Variants in LRP1 observed in about 807,000 individuals in gnomAD.
LRP1 encodes the protein prolow-density lipoprotein receptor-related protein 1.
LRP1 carries 51 observed loss-of-function variants against 541.5 expected under a neutral mutation model. The observed-to-expected ratio is 0.09, with a 90% CI of 0.08 to 0.12. LRP1 has a LOEUF of 0.12. Ranked by LOEUF, LRP1 falls within the 10% of genes least tolerant of loss-of-function variation. The pLI is 1.00. For missense variants in LRP1, 3,878 were observed against 6,376.2 expected (o/e 0.61, Z 13.34); for synonymous variants, 2,219 against 2,470.8 (o/e 0.90, Z 3.02).
intron 1 of LRP1, among the ~76,000 whole-genome samples, chr12:57,134,197 G>C (rs746415407): frequency 6.6e-6 from 1 of 152,182 alleles, no homozygotes; most frequent in South Asian, 2.1e-4. Flanking sequence ...AGGCAAAGCC[G>C]AGAACAGACG....
chr12:57,179,448 C>A lies in LRP1; in HGVS notation c.4858C>A (p.Leu1620Ile), dbSNP rs745453126. The change falls in exon 29 of 89, where the codon CTA becomes ATA. Residue 1620 changes from leucine to isoleucine, a missense_variant. Leu to Ile is a conservative substitution (Grantham distance 5). This residue lies in a region of LRP1 where 394 missense variants were observed against 635.9 expected (regional missense o/e 0.62). Coordinates refer to ENST00000243077, the MANE Select transcript of LRP1 (RefSeq NM_002332.3). The surrounding 1 kb of genome is among the most constrained non-coding windows in gnomAD (Gnocchi z 6.8). ...TVPDIDNVTV[L>I]DYDAREQRVY... ...GCCCGACATCGACAACGTCACAGTG[C>A]TAGACTACGATGCCCGCGAGCAGCG... 38 of 1,614,116 alleles carry A rather than the reference C, an allele frequency of 2.4e-5. No homozygotes were observed. Among genetic ancestry groups the A allele is most frequent in the Admixed American group, 6.7e-5 (4 of 60,010 alleles).
rs376951821 is a variant in LRP1, at chr12:57,178,410, G to A, written c.4413G>A (p.Val1471=). 3 of 1,614,112 alleles carry A rather than the reference G, an allele frequency of 1.9e-6. No homozygotes were observed. Among genetic ancestry groups the A allele is most frequent in the Non-Finnish European group, 2.5e-6 (3 of 1,180,036 alleles). ...ARYDGSGHME[V]LRGHEFLSHP... is the part of the protein sequence containing the mutation. The stretch of plus-strand genomic sequence containing the variant: ...ACGACGGCTCTGGCCACATGGAGGT[G>A]CTTCGGGGACACGAGTTCCTGTCGC... The change falls in exon 27 of 89, where the codon GTG becomes GTA. Residue 1471 remains valine (V), a synonymous_variant. Transcript: ENST00000243077. The surrounding 1 kb of genome is among the most constrained non-coding windows in gnomAD (Gnocchi z 5.8).
chr12:57,199,496 C>T, intron 61 of LRP1, 96 bp downstream of exon 61: 1 of 1,356,856 alleles, frequency 7.4e-7, no homozygotes, highest in East Asian at 2.3e-5. Flanking sequence ...TGACCAAGCC[C>T]TCCTGGCCAG....
intron 22 of LRP1, among the ~76,000 whole-genome samples, 166 bp from the exon 23 acceptor site, chr12:57,175,294 G>GCTGAAGCTCAGC (rs951620061): frequency 1.3e-5 from 2 of 152,208 alleles, no homozygotes; most frequent in African/African-American, 2.4e-5. Flanking sequence ...GAAGTCCTGG[G>GCTGAAGCTCAGC]CTGAAGCTCA....
chr12:57,180,963 G>A (rs34109846), intron 33 of LRP1, among the ~76,000 whole-genome samples, 156 bp downstream of exon 33: 4,351 of 152,302 alleles, frequency 0.029, 218 homozygotes, highest in African/African-American at 0.098. Flanking sequence ...AAGGCGCCTT[G>A]TAGGCTCCCA....
chr12:57,198,368 G>A (rs2036578296), intron 59 of LRP1, 25 bp downstream of exon 59: 1 of 1,608,004 alleles, frequency 6.2e-7, no homozygotes, highest in Admixed American at 1.7e-5. Flanking sequence ...AGGGTTGGGG[G>A]AGCCCCTGAA....
At chr12:57,144,359 C>T (rs915609043) in intron 4 of LRP1, among the ~76,000 whole-genome samples, 11 of 152,174 alleles carry the variant, frequency 7.2e-5, no homozygotes, top group Non-Finnish European at 1.6e-4. Flanking sequence ...ACCACTATGA[C>T]GTATGACTTT....
intron 64 of LRP1, 76 bp from the exon 65 acceptor site, chr12:57,200,958 C>A: frequency 6.2e-7 from 1 of 1,606,280 alleles, no homozygotes; most frequent in Non-Finnish European, 8.5e-7. Flanking sequence ...TGTGTCCTCC[C>A]TGCTGAGGGA....
intron 41 of LRP1, 133 bp downstream of exon 41, chr12:57,186,041 A>C: frequency 1.9e-6 from 2 of 1,031,514 alleles, no homozygotes; most frequent in Middle Eastern, 2.4e-4. Context: ...ATCCAACTGC[A>C]CCCCCGCAGT....
chr12:57,163,039 G>T (rs932735150), intron 15 of LRP1, 56 bp downstream of exon 15: 4 of 1,543,086 alleles, frequency 2.6e-6, no homozygotes, highest in Non-Finnish European at 3.5e-6. Flanking sequence ...GGAGGATGCC[G>T]AAGAGTGGGG....
At chr12:57,172,528 G>A (rs2136695024) in intron 20 of LRP1, among the ~76,000 whole-genome samples, 1 of 152,248 alleles carries the variant, frequency 6.6e-6, no homozygotes, top group South Asian at 2.1e-4. Context: ...CTTTGCAGCG[G>A]CTGTTCCCCT....
At chr12:57,148,414 TC>T (rs1357082761) in intron 6 of LRP1, among the ~76,000 whole-genome samples, 1 of 152,070 alleles carries the variant, frequency 6.6e-6, no homozygotes, top group Non-Finnish European at 1.5e-5. Context: ...GGCCTGATAG[TC>T]CCTTAGTCAG....
At position 57,211,857 on chromosome 12, in the gene LRP1, G is replaced by C. The variant is rs754012501; in HGVS notation, c.13258+43G>C. On this transcript the variant is annotated intron_variant, in intron 86 of 88. Transcript: ENST00000243077. This position sits in a 1 kb window ranked among gnomAD's most constrained non-coding sequence, Gnocchi z 4.3. ...GGGCAGGCAGGGCCACCGGGACCTA[G>C]AGCAGGGGGACCGTGTGCCTCCTGC... is the stretch of plus-strand genomic sequence containing the variant. The C allele has an allele frequency of 3.3e-5, 54 of 1,613,312 alleles. No individual in the cohort carries two copies. The highest frequency in any genetic ancestry group is 4.4e-5 in the Non-Finnish European group (52 of 1,179,894).
Position 57,205,404 on chromosome 12 carries a change from C to T in LRP1, c.11389C>T (p.Arg3797Cys). Residue 3797 changes from arginine to cysteine, a missense_variant, in exon 74 of 89, where the codon CGC (arginine) becomes TGC (cysteine). This residue lies in a region of LRP1 where 871 missense variants were observed against 1,212.4 expected (regional missense o/e 0.72). Transcript: ENST00000243077. This position sits in a 1 kb window ranked among gnomAD's most constrained non-coding sequence, Gnocchi z 4.6. Reference protein sequence around the residue: ...TNASICGDEARCVRTEKAAYC... With the variant: ...TNASICGDEACCVRTEKAAYC... ...TGCCAGCATCTGTGGGGACGAGGCA[C>T]GCTGCGTGCGCACCGAGAAAGCGGC... The T allele has an allele frequency of 1.9e-6, 3 of 1,608,708 alleles. No homozygotes were observed. Among genetic ancestry groups the T allele is most frequent in the Non-Finnish European group, 2.5e-6 (3 of 1,179,546 alleles).
intron 19 of LRP1, chr12:57,168,137 T>G (rs6581125): frequency 0.44 from 68,235 of 153,504 alleles, 17,559 homozygotes; most frequent in African/African-American, 0.71. Context: ...CCTCACTTTT[T>G]CTGTGTCTCG....
chr12:57,132,692 A>G (rs755027250), intron 1 of LRP1, among the ~76,000 whole-genome samples: 1 of 151,838 alleles, frequency 6.6e-6, no homozygotes, highest in Non-Finnish European at 1.5e-5. Context: ...TCACCCTCTC[A>G]GTTCATCTCT....
At chr12:57,135,880 G>T (rs1365107302) in intron 1 of LRP1, among the ~76,000 whole-genome samples, 1 of 152,170 alleles carries the variant, frequency 6.6e-6, no homozygotes, top group Non-Finnish European at 1.5e-5. Context: ...GGGCACCATG[G>T]CTGGGATGTG....
chr12:57,193,515 G>A, intron 46 of LRP1, 51 bp from the exon 47 acceptor site: 1 of 1,597,126 alleles, frequency 6.3e-7, no homozygotes. Flanking sequence ...CAGGGAGGCA[G>A]CCCTTTCCCT....
In LRP1 at chr12:57,128,900, G is replaced by T; in HGVS notation, c.-65G>T. The T allele has an allele frequency of 7.1e-7, 1 of 1,414,300 alleles. No homozygotes were observed. Among genetic ancestry groups the T allele is most frequent in the Admixed American group, 2.2e-5 (1 of 46,424 alleles). The allele number at this position is 1,414,300 out of a possible 1,614,324, so 87.6% of individuals were successfully genotyped here. A position where few individuals can be genotyped will look rare whatever the true frequency, so the allele number is the denominator to read the frequency against. On this transcript the variant is annotated 5_prime_UTR_variant, in exon 1 of 89. Coordinates refer to ENST00000243077, the MANE Select transcript of LRP1 (RefSeq NM_002332.3). Reference sequence around the variant, plus strand: ...GGAAAAGGGGGACCCCCCAACTGGGGGGGGTGAAGGAGAGAAGTAGCAGGA... The same window carrying T: ...GGAAAAGGGGGACCCCCCAACTGGGTGGGGTGAAGGAGAGAAGTAGCAGGA...
Sources: gnomAD v4.1 joint callset for allele counts (sites outside exome capture counted in the v4.1 genomes callset) on GRCh38, gnomAD v4.1.1 for gene constraint, gnomAD v4.1.1 regional missense constraint, Gnocchi (gnomAD v3.1) non-coding constraint, MANE v1.5 for transcripts, NCBI Gene and HGNC (gene_info 2026-07-23, HGNC 2026-07-21) for gene names.